CRB3: variants seen among roughly 807,000 people sequenced by gnomAD.
CRB3 encodes protein crumbs homolog 3.
Under a neutral mutation model 10.4 loss-of-function variants are expected in CRB3, and 4 were observed. The observed-to-expected ratio is 0.39, with a 90% CI of 0.19 to 0.88. The LOEUF is 0.88. Among genes scored for constraint, CRB3 ranks in the 40% least tolerant of loss-of-function variants. The pLI is 0.39. For synonymous variants in CRB3, 74 were observed against 73.4 expected (o/e 1.01, Z -0.04); for missense variants, 154 against 160.2 (o/e 0.96, Z 0.21).
In CRB3 at chr19:6,464,994, G is replaced by C. The variant is rs2092787426; in HGVS notation, c.82+211G>C. On this transcript the variant is annotated intron_variant, in intron 2 of 3. Transcript: ENST00000600229. This position sits in a 1 kb window ranked among gnomAD's most constrained non-coding sequence, Gnocchi z 5.3. Reference sequence around the variant, plus strand: ...TCCTTGGACACTGGGAGTTGGTCTAGGAGACCTGAGTTCCCCAGCGAGGTG... The same window carrying C: ...TCCTTGGACACTGGGAGTTGGTCTACGAGACCTGAGTTCCCCAGCGAGGTG... 1 of 388,552 alleles carries C rather than the reference G, an allele frequency of 2.6e-6. No individual in the cohort carries two copies. The highest frequency in any genetic ancestry group is 2.1e-5 in the African/African-American group (1 of 48,346). 24.1% of individuals were successfully genotyped at this position (388,552 alleles called of 1,614,324 possible).
rs768818283 is a variant in CRB3, at chr19:6,466,905, C to G, written c.*233C>G. The G allele has an allele frequency of 6.3e-7, 1 of 1,598,778 alleles. No individual in the cohort carries two copies. The highest frequency in any genetic ancestry group is 1.1e-5 in the South Asian group (1 of 89,774). The stretch of plus-strand genomic sequence containing the variant: ...CCCCCTGCTTGCGGAACCAACTTTT[C>G]TCTGTGTGTCCAGCAGGCCCCACAA... On this transcript the variant is annotated 3_prime_UTR_variant, in exon 4 of 4. Transcript: ENST00000600229. The surrounding 1 kb of genome is among the most constrained non-coding windows in gnomAD (Gnocchi z 4.9).
At position 6,464,514 on chromosome 19, in the gene CRB3, T is replaced by C; in HGVS notation, c.-94-94T>C. 1 of 394,804 alleles carries C rather than the reference T, an allele frequency of 2.5e-6. No individual in the cohort carries two copies. Among genetic ancestry groups the C allele is most frequent in the Non-Finnish European group, 4.5e-6 (1 of 224,536 alleles). 24.5% of individuals were successfully genotyped at this position (394,804 alleles called of 1,614,324 possible). A position where few individuals can be genotyped will look rare whatever the true frequency, so the allele number is the denominator to read the frequency against. On this transcript the variant is annotated intron_variant, in intron 1 of 3. Coordinates refer to ENST00000600229, the MANE Select transcript of CRB3 (RefSeq NM_139161.5). The surrounding 1 kb of genome is among the most constrained non-coding windows in gnomAD (Gnocchi z 5.3). The stretch of plus-strand genomic sequence containing the variant: ...GGCGGCTGGGGCGGGGCGGGACTCA[T>C]GGGTGCCCTGGCGCCAGTTGTCTCT...
At chr19:6,465,483 G>C in intron 2 of CRB3, 62 bp from the exon 3 acceptor site, 2 of 1,389,316 alleles carry the variant, frequency 1.4e-6, no homozygotes, top group South Asian at 2.3e-5. Context: ...AGCAGGTGCA[G>C]ATGGGCGGGG....
chr19:6,466,835 G>T lies in CRB3; in HGVS notation c.*163G>T. 1 of 1,558,480 alleles carries T rather than the reference G, an allele frequency of 6.4e-7. No homozygotes were observed. ...GGGCTCTGTGCAGCATGTTGCCTCTGCTTGGCTGTGCCTGCAGCTCAGGGT... is the reference window on the plus strand; with the variant it reads ...GGGCTCTGTGCAGCATGTTGCCTCTTCTTGGCTGTGCCTGCAGCTCAGGGT... On this transcript the variant is annotated 3_prime_UTR_variant, in exon 4 of 4. Coordinates refer to ENST00000600229, the MANE Select transcript of CRB3 (RefSeq NM_139161.5). The surrounding 1 kb of genome is among the most constrained non-coding windows in gnomAD (Gnocchi z 4.9).
rs1193291239 is a variant in CRB3, at chr19:6,464,365, C to T, written c.-95+15C>T. The T allele has an allele frequency of 8.3e-6, 2 of 239,808 alleles. No homozygotes were observed. 14.9% of individuals were successfully genotyped at this position (239,808 alleles called of 1,614,324 possible). On this transcript the variant is annotated intron_variant, in intron 1 of 3. Coordinates refer to ENST00000600229, the MANE Select transcript of CRB3 (RefSeq NM_139161.5). This position sits in a 1 kb window ranked among gnomAD's most constrained non-coding sequence, Gnocchi z 5.3. Reference sequence around the variant, plus strand: ...GCCCGGGCCAGGTAGGAAGGCAGGACGCACCGCTAGGCCTGCCCCCTCGCC... The same window carrying T: ...GCCCGGGCCAGGTAGGAAGGCAGGATGCACCGCTAGGCCTGCCCCCTCGCC...
chr19:6,465,598 T>C lies in CRB3; in HGVS notation c.136T>C (p.Ser46Pro). 1 of 1,613,948 alleles carries C rather than the reference T, an allele frequency of 6.2e-7. No homozygotes were observed. Among genetic ancestry groups the C allele is most frequent in the East Asian group, 2.2e-5 (1 of 44,876 alleles). Residue 46 changes from serine (S) to proline (P), a missense_variant, in exon 3 of 4, where the codon TCC (serine) becomes CCC (proline). Coordinates refer to ENST00000600229, the MANE Select transcript of CRB3 (RefSeq NM_139161.5). ...CACTGTTTTGCCTTCATCCACCAGC[T>C]CCAGCTCCGATGGCAACCTGGTGAG... ...NSTVLPSSTS[S>P]SSDGNLRPEA...
In CRB3 at chr19:6,464,722, G is replaced by C; in HGVS notation, c.21G>C (p.Gly7=). The part of the protein sequence containing the change: MANPGL[G]LLLALGLPFL... ...AGCCCATGGCGAACCCCGGGCTGGG[G>C]CTGCTTCTGGCGCTGGGCCTGCCGT... is the stretch of plus-strand genomic sequence containing the variant. Residue 7 remains glycine (G), a synonymous_variant, in exon 2 of 4, where the codon GGG becomes GGC. Transcript: ENST00000600229. The surrounding 1 kb of genome is among the most constrained non-coding windows in gnomAD (Gnocchi z 5.3). The C allele has an allele frequency of 8.0e-7, 1 of 1,246,074 alleles. No homozygotes were observed. 77.2% of individuals were successfully genotyped at this position (1,246,074 alleles called of 1,614,324 possible). A position where few individuals can be genotyped will look rare whatever the true frequency, so the allele number is the denominator to read the frequency against.
chr19:6,466,594 C>T lies in CRB3; in HGVS notation c.285C>T (p.Pro95=). 1 of 1,608,392 alleles carries T rather than the reference C, an allele frequency of 6.2e-7. No homozygotes were observed. The highest frequency in any genetic ancestry group is 8.5e-7 in the Non-Finnish European group (1 of 1,179,960). ...EKRQTEGTYR[P]SSEEQVGARV... ...GGCAGACGGAGGGCACCTACCGGCCCAGTAGCGAGGAGCAGGTGGGTGCCC... is the reference window on the plus strand; with the variant it reads ...GGCAGACGGAGGGCACCTACCGGCCTAGTAGCGAGGAGCAGGTGGGTGCCC... Residue 95 remains proline, a synonymous_variant, in exon 4 of 4, where the codon CCC becomes CCT. Coordinates refer to ENST00000600229, the MANE Select transcript of CRB3 (RefSeq NM_139161.5). This position sits in a 1 kb window ranked among gnomAD's most constrained non-coding sequence, Gnocchi z 4.9.
chr19:6,465,271 G>A (rs1270062941), intron 2 of CRB3: 2 of 474,480 alleles, frequency 4.2e-6, no homozygotes, highest in Non-Finnish European at 7.6e-6. Flanking sequence ...ATCCTTAAGG[G>A]CCCAGGGCCG....
At chr19:6,465,419 A>C in intron 2 of CRB3, 126 bp from the exon 3 acceptor site, 1 of 798,732 alleles carries the variant, frequency 1.3e-6, no homozygotes, top group African/African-American at 1.7e-5. Flanking sequence ...TGTGCGAATG[A>C]AAGGCAGAGT....
Position 6,464,747 on chromosome 19 carries a change from T to A in CRB3, c.46T>A (p.Phe16Ile). The change falls in exon 2 of 4, where the codon TTC becomes ATC. Residue 16 changes from phenylalanine to isoleucine, a missense_variant. Physicochemically the swap from Phe to Ile is conservative, Grantham distance 21. Transcript: ENST00000600229. The surrounding 1 kb of genome is among the most constrained non-coding windows in gnomAD (Gnocchi z 5.3). ...LGLLLALGLPFLLARWGRAWG... is the reference protein window; with the variant it reads ...LGLLLALGLPILLARWGRAWG... ...GCTGCTTCTGGCGCTGGGCCTGCCG[T>A]TCCTGCTGGCCCGCTGGGGCCGAGC... The A allele has an allele frequency of 7.9e-7, 1 of 1,266,272 alleles. No homozygotes were observed. The highest frequency in any genetic ancestry group is 1.0e-6 in the Non-Finnish European group (1 of 1,004,424). 78.4% of individuals were successfully genotyped at this position (1,266,272 alleles called of 1,614,324 possible).
chr19:6,465,918 C>T (rs183480505), intron 3 of CRB3, among the ~76,000 whole-genome samples: 3 of 152,064 alleles, frequency 2.0e-5, no homozygotes, highest in Admixed American at 6.5e-5. Flanking sequence ...GCAGGAGTCC[C>T]GGCCGGGCGC....
chr19:6,465,232 C>T (rs2092788441), intron 2 of CRB3: 1 of 368,492 alleles, frequency 2.7e-6, no homozygotes, highest in Admixed American at 4.1e-5. Flanking sequence ...GTGAGTCAGA[C>T]ACTCCAGGGA....
At chr19:6,465,409 T>G (rs2092789498) in intron 2 of CRB3, 136 bp from the exon 3 acceptor site, 1 of 764,542 alleles carries the variant, frequency 1.3e-6, no homozygotes, top group South Asian at 1.5e-5. Flanking sequence ...CAACCATCTC[T>G]GTGCGAATGA....
In CRB3 at chr19:6,464,621, G is replaced by A. The variant is rs1239623003; in HGVS notation, c.-81G>A. The A allele has an allele frequency of 3.5e-5, 31 of 884,156 alleles. No individual in the cohort carries two copies. The highest frequency in any genetic ancestry group is 4.3e-5 in the Non-Finnish European group (29 of 670,850). The allele number at this position is 884,156 out of a possible 1,614,324, so 54.8% of individuals were successfully genotyped here. A position where few individuals can be genotyped will look rare whatever the true frequency, so the allele number is the denominator to read the frequency against. On this transcript the variant is annotated 5_prime_UTR_variant, in exon 2 of 4. Coordinates refer to ENST00000600229, the MANE Select transcript of CRB3 (RefSeq NM_139161.5). This position sits in a 1 kb window ranked among gnomAD's most constrained non-coding sequence, Gnocchi z 5.3. Reference sequence around the variant, plus strand: ...TCCTGTCCCCAGGTGCCCCGTCGCAGGTGCCCCTGGCCGGAGATGCGGTAG... The same window carrying A: ...TCCTGTCCCCAGGTGCCCCGTCGCAAGTGCCCCTGGCCGGAGATGCGGTAG...
In CRB3 at chr19:6,466,704, C is replaced by A. The variant is rs1428584625; in HGVS notation, c.*32C>A. 1 of 1,588,962 alleles carries A rather than the reference C, an allele frequency of 6.3e-7. No homozygotes were observed. Among genetic ancestry groups the A allele is most frequent in the Non-Finnish European group, 8.5e-7 (1 of 1,174,940 alleles). On this transcript the variant is annotated 3_prime_UTR_variant, in exon 4 of 4. Transcript: ENST00000600229. This position sits in a 1 kb window ranked among gnomAD's most constrained non-coding sequence, Gnocchi z 4.9. ...GGGCCTGCTGCAGCCACCAACACTG[C>A]CCAGGACTGCGGGTTGCTGGCTTGT...
Position 6,466,682 on chromosome 19 carries a change from C to A in CRB3, c.*10C>A, listed in dbSNP as rs754419519. On this transcript the variant is annotated 3_prime_UTR_variant, in exon 4 of 4. Coordinates refer to ENST00000600229, the MANE Select transcript of CRB3 (RefSeq NM_139161.5). The surrounding 1 kb of genome is among the most constrained non-coding windows in gnomAD (Gnocchi z 4.9). ...AGAGCGGCTCATCTGAACGCTGGGG[C>A]CTGCTGCAGCCACCAACACTGCCCA... is the stretch of plus-strand genomic sequence containing the variant. 1.3e-6 allele frequency: 2 copies of A among 1,596,802 alleles called. No homozygotes were observed. Among genetic ancestry groups the A allele is most frequent in the South Asian group, 1.1e-5 (1 of 90,770 alleles).
chr19:6,464,769 G>C lies in CRB3; in HGVS notation c.68G>C (p.Arg23Pro). Residue 23 changes from arginine (R) to proline (P), a missense_variant, in exon 2 of 4, where the codon CGA (arginine) becomes CCA (proline). Physicochemically the swap from Arg to Pro is moderately radical, Grantham distance 103. Coordinates refer to ENST00000600229, the MANE Select transcript of CRB3 (RefSeq NM_139161.5). This position sits in a 1 kb window ranked among gnomAD's most constrained non-coding sequence, Gnocchi z 5.3. The stretch of plus-strand genomic sequence containing the variant: ...CCGTTCCTGCTGGCCCGCTGGGGCC[G>C]AGCCTGGGGGCAAAGTAGGTACCAG... Reference protein sequence around the residue: ...GLPFLLARWGRAWGQIQTTSA... With the variant: ...GLPFLLARWGPAWGQIQTTSA... 1 of 1,268,820 alleles carries C rather than the reference G, an allele frequency of 7.9e-7. No homozygotes were observed. 78.6% of individuals were successfully genotyped at this position (1,268,820 alleles called of 1,614,324 possible). A position where few individuals can be genotyped will look rare whatever the true frequency, so the allele number is the denominator to read the frequency against.
In CRB3 at chr19:6,464,826, C is replaced by A; in HGVS notation, c.82+43C>A. On this transcript the variant is annotated intron_variant, in intron 2 of 3. Transcript: ENST00000600229. The surrounding 1 kb of genome is among the most constrained non-coding windows in gnomAD (Gnocchi z 5.3). ...GCGCTGGGGGGGAGGGGTCTGGATT[C>A]CTGGATCTCTGCTGGGGACGTGGCT... 8.7e-7 allele frequency: 1 copy of A among 1,146,090 alleles called. No homozygotes were observed. The highest frequency in any genetic ancestry group is 1.1e-6 in the Non-Finnish European group (1 of 904,908). The allele number at this position is 1,146,090 out of a possible 1,614,324, so 71.0% of individuals were successfully genotyped here.
Sources: allele counts gnomAD v4.1 joint callset (sites outside exome capture counted in the v4.1 genomes callset), GRCh38; gene constraint gnomAD v4.1.1; non-coding constraint Gnocchi (gnomAD v3.1); transcripts MANE v1.5; gene names NCBI Gene and HGNC (gene_info 2026-07-23, HGNC 2026-07-21).